The following ANO6 variants were observed in gnomAD, a reference collection of about 807,000 sequenced individuals.
ANO6 encodes anoctamin 6.
A neutral mutation model predicts 117.5 loss-of-function variants in ANO6; 106 were observed. That is an observed-to-expected ratio of 0.90 (90% CI 0.77 to 1.06). ANO6 has a LOEUF of 1.06. Among genes scored for constraint, ANO6 ranks in the 50% least tolerant of loss-of-function variants. The pLI, the probability that ANO6 is intolerant of heterozygous loss-of-function variation, is 0.00. For missense variants in ANO6, 955 were observed against 1,121.1 expected, an observed-to-expected ratio of 0.85 and a Z score of 2.12; for synonymous variants, 367 against 385.1, an observed-to-expected ratio of 0.95 and a Z score of 0.55.
chr12:45,288,771 G>A (rs772642691), intron 1 of ANO6, among the ~76,000 whole-genome samples: 15 of 152,038 alleles, frequency 9.9e-5, no homozygotes, highest in South Asian at 2.1e-4. Context: ...TTTGTTTGAC[G>A]GAGTCTCACT....
At chr12:45,388,917 TAAA>T (rs1236897299) in intron 11 of ANO6, among the ~76,000 whole-genome samples, 3 of 152,176 alleles carry the variant, frequency 2.0e-5, no homozygotes, top group African/African-American at 7.2e-5. Flanking sequence ...ACTCCAAAGA[TAAA>T]AAACTATATT....
intron 1 of ANO6, among the ~76,000 whole-genome samples, chr12:45,240,690 G>A (rs1335822765): frequency 2.0e-5 from 3 of 152,086 alleles, no homozygotes; most frequent in Non-Finnish European, 4.4e-5. Flanking sequence ...GGCTGGTACT[G>A]GTTGTTCCTT....
chr12:45,429,946 G>C lies in ANO6; in HGVS notation c.*635G>C. 1 of 987,738 alleles carries C rather than the reference G, an allele frequency of 1.0e-6. No homozygotes were observed. The highest frequency in any genetic ancestry group is 1.2e-6 in the Non-Finnish European group (1 of 831,454). 61.2% of individuals were successfully genotyped at this position (987,738 alleles called of 1,614,324 possible). A position where few individuals can be genotyped will look rare whatever the true frequency, so the allele number is the denominator to read the frequency against. ...CTCTTAGTAGGTTGGAGTGAAGATA[G>C]CAAGGTTTTGAAGCATATTTGTCCT... On this transcript the variant is annotated 3_prime_UTR_variant, in exon 20 of 20. Coordinates refer to ENST00000320560, the MANE Select transcript of ANO6 (RefSeq NM_001025356.3).
At chr12:45,269,868 T>G (rs1229079350) in intron 1 of ANO6, among the ~76,000 whole-genome samples, 3 of 152,180 alleles carry the variant, frequency 2.0e-5, no homozygotes, top group Non-Finnish European at 4.4e-5. Flanking sequence ...TTTCCCATCC[T>G]TCATTGACCA....
intron 17 of ANO6, among the ~76,000 whole-genome samples, chr12:45,420,002 A>C (rs1462569151): frequency 1.3e-5 from 2 of 151,482 alleles, no homozygotes; most frequent in Admixed American, 6.6e-5. Flanking sequence ...ATACTAGATC[A>C]GACTAAACAG....
chr12:45,261,067 G>A (rs1938015033), intron 1 of ANO6, among the ~76,000 whole-genome samples: 1 of 152,066 alleles, frequency 6.6e-6, no homozygotes, highest in Non-Finnish European at 1.5e-5. Context: ...TGATCCCCCA[G>A]CCTTGGCCTC....
intron 19 of ANO6, among the ~76,000 whole-genome samples, chr12:45,425,524 C>T (rs1054930411): frequency 1.3e-5 from 2 of 152,044 alleles, no homozygotes; most frequent in East Asian, 1.9e-4. Flanking sequence ...AAAACTAAGG[C>T]GAGAATGGGA....
chr12:45,260,870 C>T (rs73293377), intron 1 of ANO6, among the ~76,000 whole-genome samples: 2,121 of 152,216 alleles, frequency 0.014, 40 homozygotes, highest in African/African-American at 0.047. Context: ...TCACCACAGC[C>T]TCAAACTGTT....
chr12:45,434,768 CAT>C (rs1378062834), downstream of ANO6, among the ~76,000 whole-genome samples: 6 of 152,142 alleles, frequency 3.9e-5, no homozygotes, highest in Non-Finnish European at 7.4e-5. Flanking sequence ...GAAAAGCAAA[CAT>C]ATGTAAGGAG....
Position 45,431,390 on chromosome 12 carries a change from C to A in ANO6, c.*2079C>A. ...GTGTTTAAATTTGGCAGTTACTCGC[C>A]ATGTATGTCAGCATAGAAAAGGAAA... On this transcript the variant is annotated 3_prime_UTR_variant, in exon 20 of 20. Coordinates refer to ENST00000320560, the MANE Select transcript of ANO6 (RefSeq NM_001025356.3). 1 of 985,326 alleles carries A rather than the reference C, an allele frequency of 1.0e-6. No homozygotes were observed. Among genetic ancestry groups the A allele is most frequent in the African/African-American group, 1.7e-5 (1 of 57,308 alleles). 61.0% of individuals were successfully genotyped at this position (985,326 alleles called of 1,614,324 possible). A position where few individuals can be genotyped will look rare whatever the true frequency, so the allele number is the denominator to read the frequency against.
chr12:45,348,078 G>C lies in ANO6; in HGVS notation c.396G>C (p.Val132=). 1 of 1,613,960 alleles carries C rather than the reference G, an allele frequency of 6.2e-7. No individual in the cohort carries two copies. The highest frequency in any genetic ancestry group is 8.5e-7 in the Non-Finnish European group (1 of 1,179,938). Residue 132 remains valine, a synonymous_variant, in exon 5 of 20, where the codon GTG becomes GTC. Transcript: ENST00000320560. ...VFVKVHAPWE[V]LCTYAEIMHI... ...TAAAAGTACACGCACCATGGGAGGTGTTATGTACGTATGCTGAGATAATGC... is the reference window on the plus strand; with the variant it reads ...TAAAAGTACACGCACCATGGGAGGTCTTATGTACGTATGCTGAGATAATGC...
rs907730710 is a variant in ANO6 at position 45,266,398 on chromosome 12, G to A, written c.71-35616G>A. Among the ~76,000 whole-genome samples, 6 of 152,130 alleles carry A rather than the reference G, an allele frequency of 3.9e-5. No individual in the cohort carries two copies. The South Asian group carries it at 6.2e-4, about 16-fold the overall frequency. ...ATATATTGCATTGTGGTCTGAGACC[G>A]TATGTATTAAAGTATAAAAGATTAG... is the stretch of plus-strand genomic sequence containing the variant. On this transcript the variant is annotated intron_variant, in intron 1 of 19. Transcript: ENST00000320560.
At chr12:45,318,006 G>C (rs950261226) in intron 2 of ANO6, among the ~76,000 whole-genome samples, 1 of 152,158 alleles carries the variant, frequency 6.6e-6, no homozygotes, top group African/African-American at 2.4e-5. Flanking sequence ...TGAGTTCTTT[G>C]TAGATTTTGG....
intron 1 of ANO6, among the ~76,000 whole-genome samples, chr12:45,261,643 T>G (rs1938037822): frequency 6.6e-6 from 1 of 152,204 alleles, no homozygotes; most frequent in African/African-American, 2.4e-5. Context: ...TGTATCAAGT[T>G]TAGTGTTTAT....
chr12:45,371,280 G>C (rs1183311453), intron 9 of ANO6, among the ~76,000 whole-genome samples: 1 of 152,234 alleles, frequency 6.6e-6, no homozygotes, highest in Non-Finnish European at 1.5e-5. Context: ...AGCGAGGCTA[G>C]GGGAGGGGCG....
At chr12:45,234,656 T>C (rs909950539) in intron 1 of ANO6, among the ~76,000 whole-genome samples, 24 of 152,338 alleles carry the variant, frequency 1.6e-4, no homozygotes, top group African/African-American at 5.5e-4. Context: ...CCACTCTTAG[T>C]CATCTTCCCT....
At chr12:45,288,293 C>G (rs1938982783) in intron 1 of ANO6, among the ~76,000 whole-genome samples, 2 of 152,146 alleles carry the variant, frequency 1.3e-5, no homozygotes, top group African/African-American at 4.8e-5. Context: ...CACTTAAAAG[C>G]ATTAAGTACA....
chr12:45,367,499 T>C (rs1484088006), intron 8 of ANO6, among the ~76,000 whole-genome samples, 189 bp from the exon 9 acceptor site: 2 of 152,212 alleles, frequency 1.3e-5, no homozygotes, highest in Admixed American at 1.3e-4. Context: ...AAGGAATTAC[T>C]TTCAGCGTTT....
intron 5 of ANO6, 21 bp from the exon 6 acceptor site, chr12:45,348,497 T>G (rs377399112): frequency 1.8e-5 from 29 of 1,594,398 alleles, no homozygotes; most frequent in Non-Finnish European, 2.3e-5. Context: ...AACCGCATAC[T>G]CTATTTTGGA....
Sources: gnomAD v4.1 joint callset for allele counts (sites outside exome capture counted in the v4.1 genomes callset) on GRCh38, gnomAD v4.1.1 for gene constraint, MANE v1.5 for transcripts, NCBI Gene and HGNC (gene_info 2026-07-23, HGNC 2026-07-21) for gene names.